The following SLC6A16 variants were observed in gnomAD, a reference collection of about 807,000 sequenced individuals.
SLC6A16 encodes the protein solute carrier family 6 member 16, also known as orphan sodium- and chloride-dependent neurotransmitter transporter NTT5.
SLC6A16 carries 54 observed loss-of-function variants against 65.4 expected under a neutral mutation model. The ratio of observed to expected loss-of-function variants is 0.83; its 90% CI spans 0.66 to 1.04. The LOEUF is 1.04. Ranked by LOEUF, SLC6A16 falls within the 50% of genes least tolerant of loss-of-function variation. The probability of loss-of-function intolerance (pLI) is 0.00; values close to 1 mark genes in which losing one functional copy is unlikely to be tolerated. For synonymous variants in SLC6A16, 330 were observed against 346.5 expected, an observed-to-expected ratio of 0.95 and a Z score of 0.53; for missense variants, 816 against 914.0, an observed-to-expected ratio of 0.89 and a Z score of 1.38.
intron 7 of SLC6A16, 35 bp from the exon 8 acceptor site, chr19:49,294,588 T>C (rs1222382065): frequency 6.5e-7 from 1 of 1,545,104 alleles, no homozygotes; most frequent in Admixed American, 2.0e-5. Flanking sequence ...TCGAACCATT[T>C]GGCCCAGTAG....
intron 1 of SLC6A16, among the ~76,000 whole-genome samples, chr19:49,311,951 T>C (rs1013072980): frequency 6.6e-6 from 1 of 151,594 alleles, no homozygotes; most frequent in Non-Finnish European, 1.5e-5. Context: ...AGGATTTCTT[T>C]TTTTTTTTTC....
At chr19:49,319,793 G>A (rs1450324413) in intron 1 of SLC6A16, among the ~76,000 whole-genome samples, 4 of 151,958 alleles carry the variant, frequency 2.6e-5, no homozygotes, top group Non-Finnish European at 4.4e-5. Flanking sequence ...ACATTTTCCA[G>A]GAGAGACCAC....
the SLC6A16 span, chr19:49,339,484 C>G: frequency 6.4e-7 from 1 of 1,553,602 alleles, no homozygotes; most frequent in Non-Finnish European, 8.8e-7. This position sits in a 1 kb window ranked among gnomAD's most constrained non-coding sequence, Gnocchi z 4.5. Context: ...ATTTCGCGTC[C>G]TTCGGTTGCC....
upstream of SLC6A16, among the ~76,000 whole-genome samples, chr19:49,325,890 G>A (rs948443261): frequency 2.0e-5 from 3 of 152,180 alleles, no homozygotes; most frequent in Admixed American, 6.5e-5. Context: ...GGCGCTGGGC[G>A]CGGTGGCTGA....
chr19:49,326,410 C>G (rs375229808), upstream of SLC6A16, among the ~76,000 whole-genome samples: 14 of 152,218 alleles, frequency 9.2e-5, no homozygotes, highest in East Asian at 2.1e-3. Flanking sequence ...ATAATGTTCA[C>G]CTCATGGACC....
chr19:49,335,477 T>C, the SLC6A16 span: 1 of 1,126,438 alleles, frequency 8.9e-7, no homozygotes, highest in South Asian at 1.2e-5. This position sits in a 1 kb window ranked among gnomAD's most constrained non-coding sequence, Gnocchi z 4.6. Flanking sequence ...TCTTTCTCCC[T>C]GTCTCCCCCA....
At chr19:49,305,066 T>C (rs1286520606) in intron 7 of SLC6A16, among the ~76,000 whole-genome samples, 1 of 152,210 alleles carries the variant, frequency 6.6e-6, no homozygotes, top group African/African-American at 2.4e-5. Context: ...TTTTTCACCT[T>C]TGGAATCTGG....
chr19:49,293,758 C>T, intron 9 of SLC6A16, 69 bp downstream of exon 9: 2 of 1,407,150 alleles, frequency 1.4e-6, no homozygotes, highest in South Asian at 1.2e-5. Context: ...GGACCCTGTC[C>T]CAAAAAAAGA....
At chr19:49,328,081 CT>C (rs1225362825), upstream of SLC6A16, among the ~76,000 whole-genome samples, 2 of 152,184 alleles carry the variant, frequency 1.3e-5, no homozygotes, top group African/African-American at 2.4e-5. Flanking sequence ...CAGGCTCCCC[CT>C]GGCTTCTGGG....
upstream of SLC6A16, among the ~76,000 whole-genome samples, chr19:49,329,503 C>T (rs1334654872): frequency 1.3e-5 from 2 of 151,906 alleles, no homozygotes; most frequent in Non-Finnish European, 1.5e-5. Context: ...AATGACTCAG[C>T]CGGGAGCGGT....
intron 10 of SLC6A16, 181 bp downstream of exon 10, chr19:49,293,042 C>T (rs1600604886): frequency 1.8e-6 from 1 of 564,238 alleles, no homozygotes; most frequent in East Asian, 2.8e-5. Context: ...TAGTGCCTGG[C>T]ACATATTCAG....
chr19:49,302,099 A>C (rs896449003), intron 7 of SLC6A16, among the ~76,000 whole-genome samples: 1 of 152,120 alleles, frequency 6.6e-6, no homozygotes, highest in Admixed American at 6.5e-5. Flanking sequence ...GTCAGGCCCC[A>C]CTGCCACATG....
At chr19:49,291,715 A>C (rs1210776818) in intron 10 of SLC6A16, among the ~76,000 whole-genome samples, 1 of 151,992 alleles carries the variant, frequency 6.6e-6, no homozygotes, top group Non-Finnish European at 1.5e-5. Context: ...TCAGCCAACT[A>C]TCCAGTCTCC....
At chr19:49,313,072 C>CAAAAAAAAAAAAAAAAAAAAAAAAA (rs5828385) in intron 1 of SLC6A16, among the ~76,000 whole-genome samples, 7 of 95,776 alleles carry the variant, frequency 7.3e-5, no homozygotes, top group African/African-American at 3.7e-4. Flanking sequence ...AACCCTGTCT[C>CAAAAAAAAAAAAAAAAAAAAAAAAA]AAAAAAAAAA....
the SLC6A16 span, chr19:49,337,275 G>C: frequency 6.5e-7 from 1 of 1,537,700 alleles, no homozygotes; most frequent in East Asian, 2.2e-5. Context: ...AGAGGGAAGG[G>C]AGTGGTGGGA....
At chr19:49,311,717 C>T (rs1365328817) in intron 1 of SLC6A16, among the ~76,000 whole-genome samples, 1 of 151,260 alleles carries the variant, frequency 6.6e-6, no homozygotes, top group African/African-American at 2.4e-5. Flanking sequence ...TGTATAGTGG[C>T]AGGCACCTGT....
At chr19:49,317,817 A>C (rs1970641092) in intron 1 of SLC6A16, among the ~76,000 whole-genome samples, 1 of 152,166 alleles carries the variant, frequency 6.6e-6, no homozygotes, top group African/African-American at 2.4e-5. Context: ...AAAAAAAAAA[A>C]CTGTACAAAT....
intron 9 of SLC6A16, 122 bp downstream of exon 9, chr19:49,293,705 A>G: frequency 2.4e-6 from 2 of 842,152 alleles, no homozygotes; most frequent in Non-Finnish European, 3.8e-6. Flanking sequence ...CAGAAGTTGC[A>G]GTAAGCCGAG....
At position 49,304,524 on chromosome 19, in the gene SLC6A16, G is replaced by A. The variant is rs372362739; in HGVS notation, c.1229+4352C>T. 9.2e-5 allele frequency among the ~76,000 whole-genome samples: 14 copies of A among 152,106 alleles called. No individual in the cohort carries two copies. In the East Asian group the frequency reaches 1.3e-3, roughly 15 times the overall value. On this transcript the variant is annotated intron_variant, in intron 7 of 11. Coordinates refer to ENST00000335875, the MANE Select transcript of SLC6A16 (RefSeq NM_014037.3). ...CTCAAGCCTGTAATCTCAGCACTTC[G>A]GGAGGCTGAGGTGGGCGGATCACCT...
Sources: gnomAD v4.1 joint callset for allele counts (sites outside exome capture counted in the v4.1 genomes callset) on GRCh38, gnomAD v4.1.1 for gene constraint, Gnocchi (gnomAD v3.1) non-coding constraint, MANE v1.5 for transcripts, NCBI Gene and HGNC (gene_info 2026-07-23, HGNC 2026-07-21) for gene names.